Variants in NALCN observed in about 807,000 individuals in gnomAD.
NALCN encodes the protein sodium leak channel, non-selective.
A neutral mutation model predicts 225.3 loss-of-function variants in NALCN; 111 were observed. The observed-to-expected ratio is 0.49, with a 90% confidence interval of 0.42 to 0.58. The LOEUF is 0.58. Ranked by LOEUF, NALCN falls within the 20% of genes least tolerant of loss-of-function variation. The pLI is 0.00. For synonymous variants in NALCN, 764 were observed against 769.0 expected (o/e 0.99, Z 0.11); for missense variants, 1,378 against 2,202.4 (o/e 0.63, Z 7.49).
At chr13:101,066,394 A>G (rs1027742344) in intron 39 of NALCN, among the ~76,000 whole-genome samples, 2 of 152,080 alleles carry the variant, frequency 1.3e-5, no homozygotes, top group Non-Finnish European at 2.9e-5. Flanking sequence ...TTAGGCCTTC[A>G]GCTCTGCCCT....
At chr13:101,211,465 T>A (rs1333752) in intron 13 of NALCN, among the ~76,000 whole-genome samples, 13,502 of 151,914 alleles carry the variant, frequency 0.089, 1,793 homozygotes, top group African/African-American at 0.29. Context: ...TTTTATGTGA[T>A]TCATCCTCTA....
intron 34 of NALCN, among the ~76,000 whole-genome samples, chr13:101,077,224 G>GT (rs2033316667): frequency 6.6e-6 from 1 of 152,144 alleles, no homozygotes; most frequent in Non-Finnish European, 1.5e-5. Flanking sequence ...AAATTACCCA[G>GT]TTTTGGGTAT....
At chr13:101,070,295 T>C (rs929210541) in intron 37 of NALCN, among the ~76,000 whole-genome samples, 41 of 152,104 alleles carry the variant, frequency 2.7e-4, no homozygotes, top group African/African-American at 9.7e-4. Context: ...CTCGATCTCC[T>C]GACCTCGTGA....
intron 3 of NALCN, among the ~76,000 whole-genome samples, chr13:101,381,932 G>T (rs2700007): frequency 0.12 from 17,821 of 151,942 alleles, 1,654 homozygotes; most frequent in East Asian, 0.46. Flanking sequence ...AAAAGGCAAA[G>T]AATTCCAAAA....
At chr13:101,366,251 A>G (rs1414425869) in intron 6 of NALCN, among the ~76,000 whole-genome samples, 1 of 152,158 alleles carries the variant, frequency 6.6e-6, no homozygotes, top group Non-Finnish European at 1.5e-5. Flanking sequence ...CTTTACTAGT[A>G]CTGCTACTGA....
intron 1 of NALCN, among the ~76,000 whole-genome samples, chr13:101,413,464 G>A (rs561943497): frequency 6.6e-6 from 1 of 151,932 alleles, no homozygotes; most frequent in African/African-American, 2.4e-5. Flanking sequence ...AATATATGAG[G>A]CTGTATTTAC....
chr13:101,173,476 G>T (rs2038831212), intron 15 of NALCN, among the ~76,000 whole-genome samples: 1 of 152,108 alleles, frequency 6.6e-6, no homozygotes, highest in Admixed American at 6.6e-5. Flanking sequence ...ACCTCTCTAT[G>T]TCTTAGTTTC....
chr13:101,396,217 A>G (rs2047289098), intron 2 of NALCN, among the ~76,000 whole-genome samples: 1 of 152,264 alleles, frequency 6.6e-6, no homozygotes, highest in South Asian at 2.1e-4. Context: ...TACAGGACAT[A>G]CAATCACTCA....
intron 28 of NALCN, among the ~76,000 whole-genome samples, chr13:101,091,932 T>A (rs1442163340): frequency 1.3e-5 from 2 of 152,188 alleles, no homozygotes; most frequent in African/African-American, 4.8e-5. Context: ...TGGAAGAATT[T>A]ATCACATTAA....
intron 6 of NALCN, among the ~76,000 whole-genome samples, chr13:101,346,057 T>TTC (rs767899309): frequency 0.039 from 2,920 of 75,440 alleles, 113 homozygotes; most frequent in Admixed American, 0.059. Context: ...TTGAGAGACT[T>TTC]TCTCTCTCTC....
chr13:101,358,919 T>C (rs1413278377), intron 6 of NALCN, among the ~76,000 whole-genome samples: 2 of 151,436 alleles, frequency 1.3e-5, no homozygotes, highest in African/African-American at 4.9e-5. Context: ...CTGGAAGCCA[T>C]CACCTTCAGC....
At position 101,346,087 on chromosome 13, in the gene NALCN, C is replaced by CTCTCTCTATATA; in HGVS notation, c.645-668_645-667insTATATAGAGAGA. On this transcript the variant is annotated intron_variant, in intron 6 of 43. Coordinates refer to ENST00000251127, the MANE Select transcript of NALCN (RefSeq NM_052867.4). ...TCTCTCTCTCTCTCTCTCTCTCTCT[C>CTCTCTCTATATA]TATATATATATATATATATATATAT... is the stretch of plus-strand genomic sequence containing the variant. Among the ~76,000 whole-genome samples the CTCTCTCTATATA allele has an allele frequency of 3.5e-3, 246 of 70,904 alleles. 2 individuals carry two copies. The highest frequency in any genetic ancestry group is 0.021 in the East Asian group (49 of 2,372). The allele number at this position is 70,904 out of a possible 152,430, so 46.5% of individuals were successfully genotyped here.
intron 3 of NALCN, among the ~76,000 whole-genome samples, chr13:101,385,219 T>C (rs971214551): frequency 2.6e-5 from 4 of 152,150 alleles, no homozygotes; most frequent in African/African-American, 9.7e-5. Context: ...TCCACTCCTT[T>C]GTGCCTCATA....
intron 17 of NALCN, among the ~76,000 whole-genome samples, chr13:101,130,816 T>C (rs1487276556): frequency 6.6e-6 from 1 of 152,216 alleles, no homozygotes; most frequent in Non-Finnish European, 1.5e-5. Context: ...GGTGTATGTA[T>C]TGTTTTTAAT....
chr13:101,205,958 C>T (rs927291941), intron 13 of NALCN, among the ~76,000 whole-genome samples: 9 of 152,044 alleles, frequency 5.9e-5, no homozygotes, highest in Admixed American at 3.3e-4. Flanking sequence ...TCTCGCAATA[C>T]TATGCTCAAA....
chr13:101,237,633 C>A, intron 12 of NALCN, 122 bp downstream of exon 12: 1 of 434,816 alleles, frequency 2.3e-6, no homozygotes, highest in Non-Finnish European at 3.5e-6. Flanking sequence ...TTCATATTTA[C>A]CATAATAGTT....
intron 15 of NALCN, among the ~76,000 whole-genome samples, chr13:101,147,430 C>G (rs1179342404): frequency 6.6e-6 from 1 of 150,726 alleles, no homozygotes; most frequent in East Asian, 1.9e-4. Flanking sequence ...TCTTGGCTCA[C>G]CGCAACCTCT....
rs71292843 is a variant in NALCN, at chr13:101,143,469, C to CTT, written c.1977-250_1977-249dup. Among the ~76,000 whole-genome samples the CTT allele has an allele frequency of 0.23, 34,143 of 147,154 alleles. 4,269 individuals carry two copies. The highest frequency in any genetic ancestry group is 0.32 in the South Asian group (1,467 of 4,650). On this transcript the variant is annotated intron_variant, in intron 16 of 43. Coordinates refer to ENST00000251127, the MANE Select transcript of NALCN (RefSeq NM_052867.4). ...AGTAACCGATGGTAGTTTTTTGAAT[C>CTT]TTTTTTTTTTTTGAGACGGAGTTTC...
chr13:101,168,040 C>A (rs2038536977), intron 15 of NALCN, among the ~76,000 whole-genome samples: 1 of 151,838 alleles, frequency 6.6e-6, no homozygotes, highest in African/African-American at 2.4e-5. Context: ...ATTTTTTTGA[C>A]CTCTCTGAAG....
Sources: gnomAD v4.1 joint callset for allele counts (sites outside exome capture counted in the v4.1 genomes callset) on GRCh38, gnomAD v4.1.1 for gene constraint, MANE v1.5 for transcripts, NCBI Gene and HGNC (gene_info 2026-07-23, HGNC 2026-07-21) for gene names.